COL21A1: variants seen among roughly 807,000 people sequenced by gnomAD.
The protein encoded by COL21A1 is collagen type XXI alpha 1 chain, also known as collagen alpha-1(XXI) chain.
COL21A1 carries 149 observed loss-of-function variants against 137.9 expected under a neutral mutation model. The ratio of observed to expected loss-of-function variants is 1.08; its 90% CI spans 0.95 to 1.24. The LOEUF is 1.24. Among genes scored for constraint, COL21A1 ranks in the 50% most tolerant of loss-of-function variants. COL21A1 has a pLI of 0.00. For synonymous variants in COL21A1, 456 were observed against 391.5 expected, an observed-to-expected ratio of 1.16 and a Z score of -1.95; for missense variants, 1,167 against 1,158.4, an observed-to-expected ratio of 1.01 and a Z score of -0.11.
chr6:56,292,451 G>C (rs1338718856), intron 1 of COL21A1, among the ~76,000 whole-genome samples: 3 of 137,234 alleles, frequency 2.2e-5, no homozygotes, highest in Non-Finnish European at 4.5e-5. Flanking sequence ...GAAATAGTAA[G>C]TCCAGGCATT....
chr6:56,253,167 T>C (rs1782894180), intron 1 of COL21A1, among the ~76,000 whole-genome samples: 3 of 152,116 alleles, frequency 2.0e-5, no homozygotes, highest in Admixed American at 6.6e-5. Flanking sequence ...ACCCTGAAAA[T>C]AATTGGGAAA....
chr6:56,335,409 C>T (rs1319756458), intron 1 of COL21A1, among the ~76,000 whole-genome samples: 1 of 152,144 alleles, frequency 6.6e-6, no homozygotes, highest in African/African-American at 2.4e-5. Flanking sequence ...GTGACAATCC[C>T]AGAAATTAAG....
chr6:56,190,320 C>T (rs915092453), intron 1 of COL21A1, among the ~76,000 whole-genome samples: 4 of 152,178 alleles, frequency 2.6e-5, no homozygotes, highest in Non-Finnish European at 5.9e-5. Flanking sequence ...CATGTCTACG[C>T]AAATAAACTA....
chr6:56,193,109 T>C (rs1778800057), intron 1 of COL21A1, among the ~76,000 whole-genome samples: 1 of 152,030 alleles, frequency 6.6e-6, no homozygotes, highest in South Asian at 2.1e-4. Context: ...AAGTGGGAGT[T>C]GAACAATGAG....
In COL21A1 at chr6:56,077,531, T is replaced by A. The variant is rs1767353248; in HGVS notation, c.1855A>T (p.Lys619Ter). ...AGCTAACTCTCATGAATACTTACCT[T>A]TTGGCCCATTAATCCTCGGTTTCCA... ...FPGNRGLMGQKGEIGPPGQQG... is the reference protein window; with the variant it reads ...FPGNRGLMGQ Residue 619 changes from lysine to a stop codon, truncating the protein, a stop_gained and splice_region_variant, in exon 18 of 30, where the codon AAG (lysine) becomes TAG (stop). Transcript: ENST00000244728. LOFTEE classifies it high-confidence loss of function. The A allele has an allele frequency of 6.3e-7, 1 of 1,576,214 alleles. No individual in the cohort carries two copies. Among genetic ancestry groups the A allele is most frequent in the South Asian group, 1.2e-5 (1 of 85,172 alleles).
intron 1 of COL21A1, among the ~76,000 whole-genome samples, chr6:56,273,013 C>A (rs1763563927): frequency 6.6e-6 from 1 of 152,114 alleles, no homozygotes; most frequent in African/African-American, 2.4e-5. Flanking sequence ...TTTAAAAAAT[C>A]AAAATCATAC....
At chr6:56,316,341 A>G (rs1582775824) in intron 1 of COL21A1, among the ~76,000 whole-genome samples, 1 of 152,126 alleles carries the variant, frequency 6.6e-6, no homozygotes, top group Non-Finnish European at 1.5e-5. Context: ...ATTTTTGCAC[A>G]TGGTACTTAA....
At chr6:56,169,890 A>C (rs1245263968) in intron 5 of COL21A1, among the ~76,000 whole-genome samples, 1 of 151,906 alleles carries the variant, frequency 6.6e-6, no homozygotes, top group Non-Finnish European at 1.5e-5. Context: ...CACTGGCTTT[A>C]ATGAAGACAG....
intron 1 of COL21A1, among the ~76,000 whole-genome samples, chr6:56,321,638 C>T (rs1764870564): frequency 6.6e-6 from 1 of 152,164 alleles, no homozygotes; most frequent in African/African-American, 2.4e-5. Context: ...ACATCAACAA[C>T]ACATTCGGCC....
At chr6:56,287,911 A>T (rs1234965551) in intron 1 of COL21A1, among the ~76,000 whole-genome samples, 1 of 151,984 alleles carries the variant, frequency 6.6e-6, no homozygotes, top group Admixed American at 6.6e-5. Flanking sequence ...ATGGAGGGAG[A>T]GGTCACAAGC....
intron 1 of COL21A1, among the ~76,000 whole-genome samples, chr6:56,245,142 A>G (rs1158409980): frequency 6.6e-6 from 1 of 152,208 alleles, no homozygotes; most frequent in African/African-American, 2.4e-5. Flanking sequence ...GAAACACCAG[A>G]TAGTACTTCT....
At chr6:56,128,165 T>C (rs2152216907) in intron 12 of COL21A1, among the ~76,000 whole-genome samples, 2 of 152,328 alleles carry the variant, frequency 1.3e-5, no homozygotes, top group South Asian at 4.1e-4. Context: ...ATGTGTTTTT[T>C]GTTTGCTTGT....
chr6:56,095,268 G>A (rs1769214752), intron 17 of COL21A1, among the ~76,000 whole-genome samples: 1 of 152,066 alleles, frequency 6.6e-6, no homozygotes, highest in Non-Finnish European at 1.5e-5. Flanking sequence ...TCTATTCCCT[G>A]TTTACTGTGT....
intron 23 of COL21A1, among the ~76,000 whole-genome samples, chr6:56,066,190 A>G (rs149977506): frequency 1.3e-5 from 2 of 151,934 alleles, no homozygotes; most frequent in African/African-American, 2.4e-5. Context: ...CCCAACTTCA[A>G]TCTTAACTTA....
intron 1 of COL21A1, among the ~76,000 whole-genome samples, chr6:56,306,851 G>GT (rs1465900351): frequency 2.0e-5 from 3 of 151,998 alleles, no homozygotes; most frequent in Non-Finnish European, 4.4e-5. Context: ...CATCTTTGTG[G>GT]TTTTATCTAC....
intron 1 of COL21A1, among the ~76,000 whole-genome samples, chr6:56,253,161 T>C (rs1407077127): frequency 6.6e-6 from 1 of 152,220 alleles, no homozygotes; most frequent in Non-Finnish European, 1.5e-5. Context: ...AGCCCTACCC[T>C]GAAAATAATT....
intron 17 of COL21A1, among the ~76,000 whole-genome samples, chr6:56,080,104 G>T (rs887398630): frequency 1.3e-5 from 2 of 151,744 alleles, no homozygotes; most frequent in Admixed American, 1.3e-4. Flanking sequence ...TTTTAAGTTA[G>T]CAGTAATATT....
intron 1 of COL21A1, among the ~76,000 whole-genome samples, chr6:56,290,784 G>A (rs900116092): frequency 2.0e-5 from 3 of 152,114 alleles, no homozygotes; most frequent in Non-Finnish European, 4.4e-5. Context: ...ACAGGCGTGA[G>A]CCACCACGCC....
intron 16 of COL21A1, among the ~76,000 whole-genome samples, chr6:56,118,573 T>C (rs1467272652): frequency 2.0e-5 from 3 of 152,004 alleles, no homozygotes; most frequent in African/African-American, 7.2e-5. Flanking sequence ...TTCCAAACTC[T>C]TTCTATGAGG....
Sources: gnomAD v4.1 joint callset for allele counts (sites outside exome capture counted in the v4.1 genomes callset) on GRCh38, gnomAD v4.1.1 for gene constraint, MANE v1.5 for transcripts, NCBI Gene and HGNC (gene_info 2026-07-23, HGNC 2026-07-21) for gene names.